CACNA1H: variants seen among roughly 807,000 people sequenced by gnomAD.
The protein encoded by CACNA1H is calcium voltage-gated channel subunit alpha1 H.
CACNA1H carries 149 observed loss-of-function variants against 192.5 expected under a neutral mutation model. The observed-to-expected ratio is 0.77, with a 90% CI of 0.68 to 0.89. The LOEUF is 0.89. CACNA1H is among the 40% of genes least tolerant of loss of function. The pLI is 0.00. For missense variants in CACNA1H, 4,257 were observed against 3,423.5 expected (o/e 1.24, Z -6.08); for synonymous variants, 2,202 against 1,475.2 (o/e 1.49, Z -11.29).
At position 1,196,040 on chromosome 16, in the gene CACNA1H, G is replaced by T. The variant is rs371064473; in HGVS notation, c.643+17G>T. On this transcript the variant is annotated intron_variant, in intron 5 of 34. Transcript: ENST00000348261. ...GCGTGCCTAGTAAGTGACCGGCCCC[G>T]ACTGGGCTTGAGATCAACAGGCTTG... is the stretch of plus-strand genomic sequence containing the variant. The T allele has an allele frequency of 1.9e-5, 31 of 1,600,290 alleles. No individual in the cohort carries two copies. Among genetic ancestry groups the T allele is most frequent in the Non-Finnish European group, 2.4e-5 (28 of 1,168,634 alleles).
intron 5 of CACNA1H, among the ~76,000 whole-genome samples, chr16:1,196,572 A>G (rs1317676593): frequency 6.6e-6 from 1 of 152,214 alleles, no homozygotes; most frequent in African/African-American, 2.4e-5. Context: ...GGAAAGGGGA[A>G]GTTGGCTGGC....
At chr16:1,199,675 C>T (rs1054512205) in intron 6 of CACNA1H, among the ~76,000 whole-genome samples, 3 of 150,618 alleles carry the variant, frequency 2.0e-5, no homozygotes, top group East Asian at 2.0e-4. Context: ...ACCCTCACCC[C>T]GGGTTCTCCC....
At chr16:1,189,734 ATTATAGAG>A (rs1489111143) in intron 2 of CACNA1H, among the ~76,000 whole-genome samples, 1 of 151,964 alleles carries the variant, frequency 6.6e-6, no homozygotes, top group Non-Finnish European at 1.5e-5. Context: ...GAGAGCACTG[ATTATAGAG>A]TGTGGGGCTG....
intron 2 of CACNA1H, chr16:1,157,587 G>GGCTCCACGT (rs1253033987): frequency 6.6e-6 from 1 of 152,290 alleles, no homozygotes; most frequent in Non-Finnish European, 1.5e-5. Flanking sequence ...CGCCTCCCCG[G>GGCTCCACGT]GCTCCACGTG....
rs995784668 is a variant in CACNA1H at position 1,167,011 on chromosome 16, G to A, written c.299+12975G>A. 1.3e-5 allele frequency among the ~76,000 whole-genome samples: 2 copies of A among 152,188 alleles called. No homozygotes were observed. The highest frequency in any genetic ancestry group is 2.9e-5 in the Non-Finnish European group (2 of 68,034). The stretch of plus-strand genomic sequence containing the variant: ...GAATGGCCAGGCTGTTTTCCAAAGC[G>A]GTGCCCACCTGTTGACCCACCTCTC... On this transcript the variant is annotated intron_variant, in intron 2 of 34. Coordinates refer to ENST00000348261, the MANE Select transcript of CACNA1H (RefSeq NM_021098.3). The surrounding 1 kb of genome is among the most constrained non-coding windows in gnomAD (Gnocchi z 4.2).
chr16:1,201,633 C>T (rs1197443166), intron 8 of CACNA1H, 30 bp from the exon 9 acceptor site: 7 of 1,534,822 alleles, frequency 4.6e-6, no homozygotes, highest in Non-Finnish European at 6.1e-6. Flanking sequence ...CGCTCACTCA[C>T]TGCCACTTAC....
chr16:1,168,986 A>G (rs1017239230), intron 2 of CACNA1H, among the ~76,000 whole-genome samples: 1 of 152,072 alleles, frequency 6.6e-6, no homozygotes, highest in Non-Finnish European at 1.5e-5. Context: ...GTGGAGTCTT[A>G]GGGTGATGCC....
intron 2 of CACNA1H, among the ~76,000 whole-genome samples, chr16:1,187,070 C>T (rs900400920): frequency 6.6e-6 from 1 of 152,376 alleles, no homozygotes; most frequent in Middle Eastern, 3.4e-3. Flanking sequence ...TCCCTCAGAG[C>T]CCGCGACCGT....
At chr16:1,203,988 CT>C (rs1968334368) in intron 9 of CACNA1H, 21 bp from the exon 10 acceptor site, 10 of 1,509,374 alleles carry the variant, frequency 6.6e-6, no homozygotes, top group Middle Eastern at 1.7e-4. Flanking sequence ...GGGCCTGCCC[CT>C]GTCTGTGCCC....
At chr16:1,213,474 C>T (rs1041146741) in intron 26 of CACNA1H, among the ~76,000 whole-genome samples, 8 of 152,188 alleles carry the variant, frequency 5.3e-5, no homozygotes, top group Non-Finnish European at 1.0e-4. Context: ...GGCGCAACCG[C>T]GTTGCTGAGG....
At chr16:1,202,800 C>T (rs571598374) in intron 9 of CACNA1H, among the ~76,000 whole-genome samples, 19 of 152,222 alleles carry the variant, frequency 1.2e-4, no homozygotes, top group Admixed American at 9.8e-4. Context: ...ACAGCCTGGA[C>T]GCTTCCCTGG....
intron 2 of CACNA1H, among the ~76,000 whole-genome samples, chr16:1,193,876 C>T (rs929269052): frequency 6.6e-6 from 1 of 152,032 alleles, no homozygotes; most frequent in Non-Finnish European, 1.5e-5. Flanking sequence ...GCCCTCGTCA[C>T]CAAGCCTGTT....
intron 2 of CACNA1H, among the ~76,000 whole-genome samples, chr16:1,188,824 G>C (rs1197550615): frequency 1.3e-5 from 2 of 152,076 alleles, no homozygotes; most frequent in Middle Eastern, 3.4e-3. Flanking sequence ...ACCTAACCCC[G>C]GCCCTCCCAG....
At chr16:1,206,535 G>T in intron 12 of CACNA1H, 1 of 543,384 alleles carries the variant, frequency 1.8e-6, no homozygotes. Context: ...TGGACAAGCT[G>T]GGGATTTACT....
chr16:1,177,359 G>A (rs1223736908), intron 2 of CACNA1H, among the ~76,000 whole-genome samples: 2 of 152,240 alleles, frequency 1.3e-5, no homozygotes, highest in Admixed American at 1.3e-4. Context: ...ACAGCCTGAA[G>A]TTCAGGGCCG....
chr16:1,170,730 G>GCCCCC (rs771854577), intron 2 of CACNA1H, among the ~76,000 whole-genome samples: 3 of 152,070 alleles, frequency 2.0e-5, no homozygotes, highest in Admixed American at 2.0e-4. Context: ...GCTGGGTTGG[G>GCCCCC]CCCCCCCACC....
intron 27 of CACNA1H, among the ~76,000 whole-genome samples, 171 bp from the exon 28 acceptor site, chr16:1,214,801 C>T (rs1183926635): frequency 1.3e-5 from 2 of 152,126 alleles, no homozygotes; most frequent in African/African-American, 4.8e-5. Context: ...TTCCTGTATG[C>T]TGGGCTGGAG....
intron 2 of CACNA1H, among the ~76,000 whole-genome samples, chr16:1,181,043 T>A (rs1965413200): frequency 6.6e-6 from 1 of 152,182 alleles, no homozygotes; most frequent in South Asian, 2.1e-4. Context: ...GTCTCTAATT[T>A]GGGCCACGGC....
At chr16:1,158,498 C>T (rs538856828) in intron 2 of CACNA1H, among the ~76,000 whole-genome samples, 2 of 152,328 alleles carry the variant, frequency 1.3e-5, no homozygotes, top group African/African-American at 4.8e-5. Flanking sequence ...CCCTCCCCTT[C>T]ATGGAAGCAT....
Sources: gnomAD v4.1 joint callset for allele counts (sites outside exome capture counted in the v4.1 genomes callset) on GRCh38, gnomAD v4.1.1 for gene constraint, Gnocchi (gnomAD v3.1) non-coding constraint, MANE v1.5 for transcripts, NCBI Gene and HGNC (gene_info 2026-07-23, HGNC 2026-07-21) for gene names.